Variants in GABRE observed in about 807,000 individuals in gnomAD.
The protein encoded by GABRE is gamma-aminobutyric acid receptor subunit epsilon.
Under a neutral mutation model 31.0 loss-of-function variants are expected in GABRE, and 20 were observed. The ratio of observed to expected loss-of-function variants is 0.64; its 90% CI spans 0.45 to 0.94. The LOEUF (loss-of-function observed/expected upper bound fraction) is 0.94, where lower values mean the gene tolerates loss of function less well. GABRE is among the 40% of genes least tolerant of loss of function. GABRE has a pLI of 0.00. For synonymous variants in GABRE, 155 were observed against 150.6 expected (o/e 1.03, Z -0.21); for missense variants, 420 against 410.7 (o/e 1.02, Z -0.20).
intron 1 of GABRE, chrX:151,972,728 ACAC>A: frequency 1.5e-6 from 1 of 646,433 alleles, no homozygotes; most frequent in South Asian, 8.2e-5. Context: ...AAAAAAAAAA[ACAC>A]AACAATAAAC....
chrX:151,957,089 T>G (rs1045111549), intron 6 of GABRE: 1 of 135,357 alleles, frequency 7.4e-6, no homozygotes, highest in Admixed American at 7.8e-5. Context: ...GCTTAGCCCC[T>G]GCCCATCCAA....
Position 151,955,047 on chromosome X carries a change from G to A in GABRE, c.1175C>T (p.Ala392Val), listed in dbSNP as rs763678331. ...INSRAHARTRARSRACARQHQ... is the reference protein window; with the variant it reads ...INSRAHARTRVRSRACARQHQ... Reference sequence around the variant, plus strand: ...TTGGCGGGCACAGGCTCGGGAACGTGCACGGGTACGGGCATGGGCACGGCT... The same window carrying A: ...TTGGCGGGCACAGGCTCGGGAACGTACACGGGTACGGGCATGGGCACGGCT... Residue 392 changes from alanine (A) to valine (V), a missense_variant, in exon 9 of 9, where the codon GCA becomes GTA. Coordinates refer to ENST00000370328, the MANE Select transcript of GABRE (RefSeq NM_004961.4). 2 of 1,202,490 alleles carry A rather than the reference G, an allele frequency of 1.7e-6. No homozygotes were observed. Among genetic ancestry groups the A allele is most frequent in the East Asian group, 6.0e-5 (2 of 33,553 alleles).
chrX:151,963,060 T>C (rs1164736814), intron 3 of GABRE, among the ~76,000 whole-genome samples: 1 of 112,336 alleles, frequency 8.9e-6, no homozygotes, highest in Admixed American at 9.4e-5. Flanking sequence ...ATAGAGCAAG[T>C]CTAGTTTCGG....
At chrX:151,974,066 G>C (rs962500701) in intron 1 of GABRE, among the ~76,000 whole-genome samples, 1 of 111,007 alleles carries the variant, frequency 9.0e-6, no homozygotes, top group South Asian at 3.9e-4. Context: ...GAACTCAGTA[G>C]GCACTCTTAA....
chrX:151,971,551 T>G (rs765042727), intron 1 of GABRE: 11 of 157,776 alleles, frequency 7.0e-5, no homozygotes, highest in Non-Finnish European at 9.7e-5. Context: ...AAATACATAC[T>G]AAAACAATTA....
At chrX:151,958,130 C>T (rs987721330) in intron 6 of GABRE, 1 of 121,298 alleles carries the variant, frequency 8.2e-6, no homozygotes, top group African/African-American at 3.2e-5. Context: ...TTTTGATGAA[C>T]AGAACTGTCT....
In GABRE at chrX:151,954,850, A is replaced by C. The variant is rs143611638; in HGVS notation, c.1372T>G (p.Cys458Gly). The change falls in exon 9 of 9, where the codon TGC (cysteine) becomes GGC (glycine). Residue 458 changes from cysteine (C) to glycine (G), a missense_variant. By Grantham distance (159) the Cys-to-Gly change is radical (BLOSUM62 -3). Transcript: ENST00000370328. ...EWCKRFKKYFCMVPDCEGSTW... is the reference protein window; with the variant it reads ...EWCKRFKKYFGMVPDCEGSTW... ...CTGCCCTCACAATCGGGGACCATGC[A>C]GAAGTACTTCTTAAAACGCTTGCAC... is the stretch of plus-strand genomic sequence containing the variant. 2.5e-6 allele frequency: 3 copies of C among 1,210,406 alleles called. No individual in the cohort carries two copies. In the African/African-American group the frequency reaches 5.2e-5, roughly 21 times the overall value.
chrX:151,954,882 C>T lies in GABRE; in HGVS notation c.1340G>A (p.Cys447Tyr), dbSNP rs907660919. 5.8e-6 allele frequency: 7 copies of T among 1,209,833 alleles called. No individual in the cohort carries two copies. The highest frequency in any genetic ancestry group is 6.7e-6 in the Non-Finnish European group (6 of 895,157). Residue 447 changes from cysteine to tyrosine, a missense_variant, in exon 9 of 9, where the codon TGT becomes TAT. Coordinates refer to ENST00000370328, the MANE Select transcript of GABRE (RefSeq NM_004961.4). ...PRSLCSKLAC[C>Y]EWCKRFKKYF... ...CTTCTTAAAACGCTTGCACCACTCA[C>T]AGCAGGCCAGCTTGGAGCAGAGGCT...
In GABRE at chrX:151,954,465, G is replaced by A. The variant is rs1040012915; in HGVS notation, c.*236C>T. The stretch of plus-strand genomic sequence containing the variant: ...TCACGGATGCTCCTTGAAGAAGAGG[G>A]AGGTGGCCCATTTATTAATAATTTG... On this transcript the variant is annotated 3_prime_UTR_variant, in exon 9 of 9. Transcript: ENST00000370328. The A allele has an allele frequency of 1.1e-5, 4 of 352,852 alleles. No homozygotes were observed. The highest frequency in any genetic ancestry group is 9.8e-6 in the Non-Finnish European group (2 of 204,737). 29.1% of individuals were successfully genotyped at this position (352,852 alleles called of 1,213,427 possible).
In GABRE at chrX:151,969,740, T is replaced by C. The variant is rs747662907; in HGVS notation, c.275-4A>G. ...ACAGTGACCACAGTGGGCTTCTCTATAAGGGAAGCAGAAGCAGCAGAGGGT... is the reference window on the plus strand; with the variant it reads ...ACAGTGACCACAGTGGGCTTCTCTACAAGGGAAGCAGAAGCAGCAGAGGGT... On this transcript the variant is annotated splice_polypyrimidine_tract_variant and splice_region_variant and intron_variant, in intron 2 of 8. Transcript: ENST00000370328. The C allele has an allele frequency of 3.2e-4, 387 of 1,206,257 alleles. 5 individuals are homozygous for C. In the South Asian group the frequency reaches 6.5e-3, roughly 20 times the overall value.
In GABRE at chrX:151,970,220, C is replaced by T. The variant is rs752942682; in HGVS notation, c.239G>A (p.Ser80Asn). The T allele has an allele frequency of 5.0e-6, 6 of 1,211,890 alleles. No individual in the cohort carries two copies. The South Asian group carries it at 8.8e-5, about 18-fold the overall frequency. Residue 80 changes from serine to asparagine, a missense_variant, in exon 2 of 9, where the codon AGT (serine) becomes AAT (asparagine). Ser to Asn is a conservative substitution (Grantham distance 46, BLOSUM62 1). Transcript: ENST00000370328. ...EASRILNTILSNYDHKLRPGI... is the reference protein window; with the variant it reads ...EASRILNTILNNYDHKLRPGI... The stretch of plus-strand genomic sequence containing the variant: ...AGGGCGCAGTTTGTGGTCATAATTA[C>T]TCAGGATAGTGTTCAGGATGCGAGA...
intron 6 of GABRE, chrX:151,959,235 G>C (rs1934278192): frequency 8.2e-6 from 2 of 245,372 alleles, no homozygotes; most frequent in Non-Finnish European, 1.5e-5. Context: ...CTTTGTCAGA[G>C]AAAAGGTCAG....
intron 6 of GABRE, 22 bp downstream of exon 6, chrX:151,959,817 C>G (rs373796944): frequency 8.3e-7 from 1 of 1,203,661 alleles, no homozygotes; most frequent in African/African-American, 1.8e-5. Context: ...CCTGGACTTC[C>G]GCCAAGCCCT....
intron 1 of GABRE, chrX:151,972,162 C>A (rs190047197): frequency 1.3e-6 from 1 of 753,419 alleles, no homozygotes; most frequent in Non-Finnish European, 1.6e-6. Flanking sequence ...AAGCAAAATG[C>A]ATTTTTTCTG....
At chrX:151,965,083 G>A (rs755668561) in intron 3 of GABRE, among the ~76,000 whole-genome samples, 5 of 111,333 alleles carry the variant, frequency 4.5e-5, no homozygotes, top group African/African-American at 1.3e-4. Flanking sequence ...CACGGGAGGC[G>A]GAGGTTGACG....
In GABRE at chrX:151,969,665, T is replaced by G. The variant is rs1402695177; in HGVS notation, c.342+4A>C. 3 of 1,207,808 alleles carry G rather than the reference T, an allele frequency of 2.5e-6. No individual in the cohort carries two copies. Among genetic ancestry groups the G allele is most frequent in the East Asian group, 3.0e-5 (1 of 33,716 alleles). ...AAATAGTACTAAAAAAGCTTAGTAC[T>G]CACCATGTCTAGGATAGAGAGAGGA... On this transcript the variant is annotated splice_donor_region_variant and intron_variant, in intron 3 of 8. Coordinates refer to ENST00000370328, the MANE Select transcript of GABRE (RefSeq NM_004961.4).
intron 1 of GABRE, 69 bp downstream of exon 1, chrX:151,974,501 A>C: frequency 6.9e-5 from 39 of 562,972 alleles, no homozygotes; most frequent in East Asian, 4.6e-4. Flanking sequence ...GGGTCCCGGG[A>C]GCCGTCCCGG....
chrX:151,970,084 TGAGCATGGCAC>T lies in GABRE; in HGVS notation c.274+90_274+100del, dbSNP rs1934641247. The T allele has an allele frequency of 7.8e-6, 9 of 1,158,354 alleles. No individual in the cohort carries two copies. In the East Asian group the frequency reaches 2.7e-4, roughly 35 times the overall value. On this transcript the variant is annotated intron_variant, in intron 2 of 8. Transcript: ENST00000370328. ...GGTCAATAGCAGATGTTCCTGTCCA[TGAGCATGGCAC>T]CCTCTGTTACTGCCCAGGTGCATTC...
At position 151,955,044 on chromosome X, in the gene GABRE, C is replaced by T. The variant is rs765563256; in HGVS notation, c.1178G>A (p.Arg393His). 3.2e-5 allele frequency: 39 copies of T among 1,200,019 alleles called. No homozygotes were observed. Among genetic ancestry groups the T allele is most frequent in the South Asian group, 2.0e-4 (11 of 54,733 alleles). The change falls in exon 9 of 9, where the codon CGT (arginine) becomes CAT (histidine). Residue 393 changes from arginine to histidine, a missense_variant. Coordinates refer to ENST00000370328, the MANE Select transcript of GABRE (RefSeq NM_004961.4). ...ATGTTGGCGGGCACAGGCTCGGGAA[C>T]GTGCACGGGTACGGGCATGGGCACG... ...NSRAHARTRA[R>H]SRACARQHQE...
Sources: gnomAD v4.1 joint callset for allele counts (sites outside exome capture counted in the v4.1 genomes callset) on GRCh38, gnomAD v4.1.1 for gene constraint, MANE v1.5 for transcripts, NCBI Gene and HGNC (gene_info 2026-07-23, HGNC 2026-07-21) for gene names.